The following MED6 variants were observed in gnomAD, a reference collection of about 807,000 sequenced individuals.
The protein encoded by MED6 is mediator complex subunit 6, also known as mediator of RNA polymerase II transcription subunit 6.
A neutral mutation model predicts 37.5 loss-of-function variants in MED6; 33 were observed. The ratio of observed to expected loss-of-function variants is 0.88; its 90% CI spans 0.67 to 1.18. MED6 has a LOEUF of 1.18. Ranked by LOEUF, MED6 falls within the 50% of genes most tolerant of loss-of-function variation. The pLI, the probability that MED6 is intolerant of heterozygous loss-of-function variation, is 0.00. For missense variants in MED6, 235 were observed against 290.6 expected, an observed-to-expected ratio of 0.81 and a Z score of 1.39; for synonymous variants, 94 against 93.6, an observed-to-expected ratio of 1.00 and a Z score of -0.02.
At position 70,584,667 on chromosome 14, in the gene MED6, C is replaced by T. The variant is rs987810367; in HGVS notation, c.*146G>A. ...CTGGGATTACAGGCGTGAGCCACCA[C>T]ATCCGGCCTAATATCCTTTCAAAAA... On this transcript the variant is annotated 3_prime_UTR_variant, in exon 8 of 8. Transcript: ENST00000256379. The T allele has an allele frequency of 9.2e-7, 1 of 1,084,008 alleles. No homozygotes were observed. The highest frequency in any genetic ancestry group is 1.3e-6 in the Non-Finnish European group (1 of 770,080). The allele number at this position is 1,084,008 out of a possible 1,614,324, so 67.1% of individuals were successfully genotyped here.
chr14:70,595,696 G>T, intron 3 of MED6: 1 of 822,346 alleles, frequency 1.2e-6, no homozygotes, highest in Non-Finnish European at 2.0e-6. Flanking sequence ...CTGGAAGACA[G>T]CCAGGACTTC....
intron 6 of MED6, among the ~76,000 whole-genome samples, chr14:70,589,003 G>T (rs945014597): frequency 6.6e-6 from 1 of 151,744 alleles, no homozygotes. Flanking sequence ...CCAGGGGCGG[G>T]GAAAAAAAAG....
Position 70,593,388 on chromosome 14 carries a change from T to TG in MED6, c.275-11dup. 1 of 1,602,220 alleles carries TG rather than the reference T, an allele frequency of 6.2e-7. No homozygotes were observed. The highest frequency in any genetic ancestry group is 8.5e-7 in the Non-Finnish European group (1 of 1,172,302). ...TCAGCTAGTGGGATAACTAAAACAGTGGGAAAAAAGGTTTATAAATACAGC... is the reference window on the plus strand; with the variant it reads ...TCAGCTAGTGGGATAACTAAAACAGTGGGGAAAAAAGGTTTATAAATACAGC... On this transcript the variant is annotated splice_polypyrimidine_tract_variant and intron_variant, in intron 3 of 7. Coordinates refer to ENST00000256379, the MANE Select transcript of MED6 (RefSeq NM_005466.4).
intron 5 of MED6, chr14:70,592,478 C>CCTTTTTTTTTTTT (rs1884905373): frequency 1.1e-5 from 1 of 88,836 alleles, no homozygotes; most frequent in African/African-American, 5.9e-5. Context: ...TCCTATGTTC[C>CCTTTTTTTTTTTT]TTTTTTTTTT....
chr14:70,594,121 T>C (rs920337411), intron 3 of MED6, among the ~76,000 whole-genome samples: 1 of 152,276 alleles, frequency 6.6e-6, no homozygotes, highest in East Asian at 1.9e-4. Flanking sequence ...AAGTTAAAGA[T>C]TGTCCATAAA....
intron 6 of MED6, among the ~76,000 whole-genome samples, chr14:70,586,475 A>G (rs1566673628): frequency 6.6e-6 from 1 of 152,178 alleles, no homozygotes; most frequent in Non-Finnish European, 1.5e-5. Context: ...GTTTAAAAAC[A>G]ACAACAACAA....
rs1884662880 is a variant in MED6, at chr14:70,584,984, TG to T, written c.611-42del. The T allele has an allele frequency of 9.4e-6, 15 of 1,593,910 alleles. No individual in the cohort carries two copies. In the South Asian group the frequency reaches 1.7e-4, roughly 18 times the overall value. ...AGATTTTTTGGGAGGGAGATATGGG[TG>T]GGGGGAATGAGATAAATGGTTAATA... On this transcript the variant is annotated intron_variant, in intron 7 of 7. Transcript: ENST00000256379.
At chr14:70,598,155 G>A (rs185960205) in intron 1 of MED6, among the ~76,000 whole-genome samples, 25 of 152,130 alleles carry the variant, frequency 1.6e-4, no homozygotes, top group East Asian at 7.7e-4. Context: ...TTAGCCTGGC[G>A]TGTTTGTGCA....
At chr14:70,594,451 T>C (rs1884980493) in intron 3 of MED6, 3 of 274,298 alleles carry the variant, frequency 1.1e-5, no homozygotes, top group South Asian at 4.3e-5. Context: ...ACCATGCATT[T>C]TGTAAAAGAA....
Position 70,591,293 on chromosome 14 carries a change from T to C in MED6, c.555A>G (p.Arg185=). The C allele has an allele frequency of 6.2e-7, 1 of 1,612,190 alleles. No homozygotes were observed. The highest frequency in any genetic ancestry group is 8.5e-7 in the Non-Finnish European group (1 of 1,179,446). The change falls in exon 6 of 8, where the codon AGA becomes AGG. Residue 185 remains arginine (R), a synonymous_variant. Transcript: ENST00000256379. The part of the protein sequence containing the change: ...QRVDALLLDL[R]QKFPPKFVQL... ...GCACAAATTTGGGTGGAAATTTTTG[T>C]CTGAGGTCTAAAAGTAAAGCATCCA...
chr14:70,585,017 G>A, intron 7 of MED6, 74 bp from the exon 8 acceptor site: 1 of 1,472,422 alleles, frequency 6.8e-7, no homozygotes, highest in Non-Finnish European at 9.2e-7. Flanking sequence ...AATATGAATG[G>A]CTCACATTTT....
chr14:70,584,118 G>A lies in MED6; in HGVS notation c.*695C>T, dbSNP rs1884627192. ...GTCAGCAACTGTTTATTTTAATACTGAGGATTATGTAACTGAACAAAAAGA... is the reference window on the plus strand; with the variant it reads ...GTCAGCAACTGTTTATTTTAATACTAAGGATTATGTAACTGAACAAAAAGA... On this transcript the variant is annotated 3_prime_UTR_variant, in exon 8 of 8. Coordinates refer to ENST00000256379, the MANE Select transcript of MED6 (RefSeq NM_005466.4). 1.4e-6 allele frequency: 1 copy of A among 726,028 alleles called. No individual in the cohort carries two copies. Among genetic ancestry groups the A allele is most frequent in the East Asian group, 2.5e-5 (1 of 40,730 alleles). The allele number at this position is 726,028 out of a possible 1,614,324, so 45.0% of individuals were successfully genotyped here. A position where few individuals can be genotyped will look rare whatever the true frequency, so the allele number is the denominator to read the frequency against.
chr14:70,589,085 T>C (rs1363893308), intron 6 of MED6, among the ~76,000 whole-genome samples: 1 of 152,160 alleles, frequency 6.6e-6, no homozygotes, highest in African/African-American at 2.4e-5. Context: ...GGTCGGTCAA[T>C]GAAAACCAAA....
At chr14:70,598,197 G>A (rs897305258) in intron 1 of MED6, among the ~76,000 whole-genome samples, 10 of 152,126 alleles carry the variant, frequency 6.6e-5, no homozygotes, top group African/African-American at 2.4e-4. Flanking sequence ...GGGAGACTGA[G>A]ACAGGAGAAT....
rs964672437 is a variant in MED6, at chr14:70,583,492, C to T, written c.*1321G>A. The T allele has an allele frequency of 6.6e-6, 1 of 152,172 alleles. No individual in the cohort carries two copies. Among genetic ancestry groups the T allele is most frequent in the African/African-American group, 2.4e-5 (1 of 41,418 alleles). The allele number at this position is 152,172 out of a possible 1,614,324, so 9.4% of individuals were successfully genotyped here. ...ACTAGTCCAACATTTTGAGGAACAA[C>T]TTAGCAATATGGACTAAGAGCAATA... On this transcript the variant is annotated 3_prime_UTR_variant, in exon 8 of 8. Coordinates refer to ENST00000256379, the MANE Select transcript of MED6 (RefSeq NM_005466.4).
At position 70,589,508 on chromosome 14, in the gene MED6, G is replaced by T. The variant is rs561989273; in HGVS notation, c.582+1758C>A. 7.2e-5 allele frequency among the ~76,000 whole-genome samples: 11 copies of T among 152,294 alleles called. 1 individual carries two copies. The highest frequency in any genetic ancestry group is 2.6e-4 in the African/African-American group (11 of 41,544). ...TGAAGATGAGATAGAGGAGTTTTTA[G>T]TGAGAATACACTCCTAGAGTATATA... On this transcript the variant is annotated intron_variant, in intron 6 of 7. Transcript: ENST00000256379.
Position 70,592,478 on chromosome 14 carries a change from CTTTTTTTTTTTT to C in MED6, c.466+390_466+401del, listed in dbSNP as rs201036704. 5.4e-3 allele frequency: 476 copies of C among 88,914 alleles called. 7 individuals are homozygous for C. In the East Asian group the frequency reaches 0.067, roughly 13 times the overall value. The allele number at this position is 88,914 out of a possible 1,614,324, so 5.5% of individuals were successfully genotyped here. The stretch of plus-strand genomic sequence containing the variant: ...CCACACCACTGTCTCTCCTATGTTC[CTTTTTTTTTTTT>C]TTTTTTTTTTTTTTTTTTGTAGAGA... On this transcript the variant is annotated intron_variant, in intron 5 of 7. Coordinates refer to ENST00000256379, the MANE Select transcript of MED6 (RefSeq NM_005466.4).
In MED6 at chr14:70,583,772, T is replaced by C. The variant is rs1208510972; in HGVS notation, c.*1041A>G. The C allele has an allele frequency of 2.1e-5, 5 of 237,348 alleles. No individual in the cohort carries two copies. The East Asian group carries it at 3.1e-4, about 15-fold the overall frequency. The allele number at this position is 237,348 out of a possible 1,614,324, so 14.7% of individuals were successfully genotyped here. On this transcript the variant is annotated 3_prime_UTR_variant, in exon 8 of 8. Transcript: ENST00000256379. Reference sequence around the variant, plus strand: ...TTACAACAGATATAATAAAGTAAAATTGTACGAAAGGAATGATTAAAGTAC... The same window carrying C: ...TTACAACAGATATAATAAAGTAAAACTGTACGAAAGGAATGATTAAAGTAC...
At chr14:70,596,777 T>C (rs1417198063) in intron 2 of MED6, 75 bp from the exon 3 acceptor site, 6 of 1,050,300 alleles carry the variant, frequency 5.7e-6, no homozygotes, top group Admixed American at 2.0e-5. Context: ...CAAATTATTA[T>C]ATAAAAATGC....
Sources: allele counts gnomAD v4.1 joint callset (sites outside exome capture counted in the v4.1 genomes callset), GRCh38; gene constraint gnomAD v4.1.1; transcripts MANE v1.5; gene names NCBI Gene and HGNC (gene_info 2026-07-23, HGNC 2026-07-21).